Variants in HNF4G observed in about 807,000 individuals in gnomAD.
HNF4G encodes hepatocyte nuclear factor 4 gamma, also known as hepatocyte nuclear factor 4-gamma.
A neutral mutation model predicts 50.9 loss-of-function variants in HNF4G; 21 were observed. The ratio of observed to expected loss-of-function variants is 0.41; its 90% CI spans 0.29 to 0.59. HNF4G has a LOEUF of 0.59. HNF4G is among the 20% of genes least tolerant of loss of function. The pLI is 0.26. For missense variants in HNF4G, 527 were observed against 559.4 expected, an observed-to-expected ratio of 0.94 and a Z score of 0.58; for synonymous variants, 198 against 185.6, an observed-to-expected ratio of 1.07 and a Z score of -0.54.
intron 2 of HNF4G, among the ~76,000 whole-genome samples, chr8:75,534,186 C>T (rs1034476755): frequency 6.6e-6 from 1 of 151,880 alleles, no homozygotes; most frequent in Non-Finnish European, 1.5e-5. Flanking sequence ...TTTGCAGTAG[C>T]AACAATGATA....
intron 2 of HNF4G, among the ~76,000 whole-genome samples, chr8:75,493,181 C>A (rs1282990834): frequency 1.3e-5 from 2 of 152,044 alleles, no homozygotes; most frequent in African/African-American, 4.8e-5. Flanking sequence ...AAAATCTCAT[C>A]ATTGGAGTGG....
At chr8:75,473,898 C>T (rs936664445) in intron 1 of HNF4G, among the ~76,000 whole-genome samples, 1 of 151,478 alleles carries the variant, frequency 6.6e-6, no homozygotes, top group Admixed American at 6.6e-5. Context: ...AAAATGGAGA[C>T]CAAATTGTGA....
At chr8:75,409,170 A>T (rs936928239) in intron 1 of HNF4G, among the ~76,000 whole-genome samples, 4 of 152,034 alleles carry the variant, frequency 2.6e-5, no homozygotes, top group African/African-American at 9.7e-5. Flanking sequence ...AAGGAGAGGG[A>T]GGTGGTGGTG....
chr8:75,497,775 T>G (rs1585896571), intron 2 of HNF4G, among the ~76,000 whole-genome samples: 2 of 152,074 alleles, frequency 1.3e-5, no homozygotes, highest in Admixed American at 1.3e-4. Flanking sequence ...TTTTTTTTAA[T>G]TAAAAGAACA....
chr8:75,419,513 G>A (rs1461560446), intron 1 of HNF4G, among the ~76,000 whole-genome samples: 1 of 152,204 alleles, frequency 6.6e-6, no homozygotes, highest in African/African-American at 2.4e-5. Context: ...TATCTATGGT[G>A]GCTTCCCCTC....
intron 2 of HNF4G, 115 bp from the exon 3 acceptor site, chr8:75,547,472 A>G (rs1379273023): frequency 6.8e-6 from 5 of 730,310 alleles, no homozygotes; most frequent in Middle Eastern, 3.5e-4. Context: ...TTGTTCCTAT[A>G]CCTTCTTTTT....
intron 2 of HNF4G, among the ~76,000 whole-genome samples, chr8:75,501,036 T>C (rs1375696346): frequency 6.6e-6 from 1 of 151,948 alleles, no homozygotes; most frequent in African/African-American, 2.4e-5. Context: ...TAGTTTATCA[T>C]ATATAATTAT....
upstream of HNF4G, among the ~76,000 whole-genome samples, chr8:75,539,039 A>G (rs7834561): frequency 6.6e-6 from 1 of 152,198 alleles, no homozygotes; most frequent in Non-Finnish European, 1.5e-5. Flanking sequence ...ATTGATTGAG[A>G]ACTATTGTCT....
chr8:75,411,611 G>A (rs1810506679), intron 1 of HNF4G, among the ~76,000 whole-genome samples: 1 of 152,110 alleles, frequency 6.6e-6, no homozygotes, highest in South Asian at 2.1e-4. Flanking sequence ...TGGTTTCCTG[G>A]AAAACGAATA....
intron 9 of HNF4G, among the ~76,000 whole-genome samples, chr8:75,563,563 A>T (rs1807378706): frequency 6.6e-6 from 1 of 152,030 alleles, no homozygotes; most frequent in African/African-American, 2.4e-5. Context: ...AACCAAATAT[A>T]TTTTTATTTT....
At chr8:75,536,828 T>C (rs1806479667), upstream of HNF4G, among the ~76,000 whole-genome samples, 1 of 151,934 alleles carries the variant, frequency 6.6e-6, no homozygotes, top group African/African-American at 2.4e-5. Context: ...CTCTGTGGCT[T>C]TTTTTTTCTT....
At chr8:75,471,582 G>C (rs1812114744) in intron 1 of HNF4G, among the ~76,000 whole-genome samples, 1 of 152,152 alleles carries the variant, frequency 6.6e-6, no homozygotes, top group Non-Finnish European at 1.5e-5. Flanking sequence ...TCTCCAGCCT[G>C]TTCCATACCC....
chr8:75,431,554 G>A (rs1400154110), intron 1 of HNF4G, among the ~76,000 whole-genome samples: 2 of 152,102 alleles, frequency 1.3e-5, no homozygotes, highest in African/African-American at 2.4e-5. Context: ...TCAATTAAAG[G>A]AGATTATCAG....
At chr8:75,430,982 AAGAC>A (rs1243114489) in intron 1 of HNF4G, among the ~76,000 whole-genome samples, 5 of 152,246 alleles carry the variant, frequency 3.3e-5, no homozygotes, top group South Asian at 2.1e-4. Flanking sequence ...AATATGGTAA[AAGAC>A]AGAAGACTAT....
chr8:75,462,713 T>G (rs985806932), intron 1 of HNF4G, among the ~76,000 whole-genome samples: 1 of 152,162 alleles, frequency 6.6e-6, no homozygotes, highest in African/African-American at 2.4e-5. Flanking sequence ...TGTAATATAA[T>G]AGAAATAGCT....
intron 1 of HNF4G, among the ~76,000 whole-genome samples, chr8:75,453,942 C>A (rs939584496): frequency 3.3e-5 from 5 of 151,708 alleles, no homozygotes; most frequent in Non-Finnish European, 7.4e-5. Context: ...GGAGATGGGG[C>A]CTTTGGGAGG....
chr8:75,494,300 GCACACACACACACACACA>G (rs755362411), intron 2 of HNF4G, among the ~76,000 whole-genome samples: 4 of 77,264 alleles, frequency 5.2e-5, no homozygotes, highest in Admixed American at 2.1e-4. Context: ...CTCCCATACA[GCACACACACACACACACA>G]CACACACACA....
At chr8:75,447,742 C>T (rs1811459295) in intron 1 of HNF4G, among the ~76,000 whole-genome samples, 1 of 147,496 alleles carries the variant, frequency 6.8e-6, no homozygotes, top group Non-Finnish European at 1.5e-5. Flanking sequence ...GATATCATCT[C>T]ACACCAGTTA....
intron 1 of HNF4G, among the ~76,000 whole-genome samples, chr8:75,425,933 G>A (rs1487050832): frequency 6.6e-6 from 1 of 152,002 alleles, no homozygotes; most frequent in East Asian, 1.9e-4. Context: ...GGACCATAGG[G>A]GATACATGTG....
Sources: gnomAD v4.1 joint callset for allele counts (sites outside exome capture counted in the v4.1 genomes callset) on GRCh38, gnomAD v4.1.1 for gene constraint, MANE v1.5 for transcripts, NCBI Gene and HGNC (gene_info 2026-07-23, HGNC 2026-07-21) for gene names.